Variants in RORA observed in about 807,000 individuals in gnomAD.
The protein encoded by RORA is RAR related orphan receptor A, also known as nuclear receptor ROR-alpha.
RORA carries 7 observed loss-of-function variants against 69.5 expected under a neutral mutation model. That is an observed-to-expected ratio of 0.10 (90% CI 0.06 to 0.19). RORA has a LOEUF of 0.19. RORA is among the 10% of genes least tolerant of loss of function. The pLI is 1.00. For synonymous variants in RORA, 261 were observed against 240.8 expected, an observed-to-expected ratio of 1.08 and a Z score of -0.78; for missense variants, 457 against 663.0, an observed-to-expected ratio of 0.69 and a Z score of 3.41.
chr15:61,136,870 T>C (rs971477225), intron 1 of RORA, among the ~76,000 whole-genome samples: 4 of 152,134 alleles, frequency 2.6e-5, no homozygotes, highest in Non-Finnish European at 5.9e-5. Context: ...CACCTTTATT[T>C]TGAGTCCAAA....
intron 1 of RORA, among the ~76,000 whole-genome samples, chr15:61,139,131 G>A (rs760845927): frequency 6.6e-6 from 1 of 151,054 alleles, no homozygotes; most frequent in Non-Finnish European, 1.5e-5. Flanking sequence ...GCGACAGAGC[G>A]AGACTCCGTC....
At chr15:60,751,387 T>G (rs2071721397) in intron 1 of RORA, among the ~76,000 whole-genome samples, 1 of 152,174 alleles carries the variant, frequency 6.6e-6, no homozygotes, top group Non-Finnish European at 1.5e-5. Flanking sequence ...TAATTAAGCT[T>G]TGCTATTACA....
At chr15:60,555,297 A>C (rs1160060433) in intron 2 of RORA, among the ~76,000 whole-genome samples, 1 of 152,198 alleles carries the variant, frequency 6.6e-6, no homozygotes, top group Non-Finnish European at 1.5e-5. Context: ...TTGCTAAGTT[A>C]AAAGTGTCAT....
intron 1 of RORA, among the ~76,000 whole-genome samples, chr15:60,858,617 G>T (rs1254100793): frequency 6.6e-6 from 1 of 151,392 alleles, no homozygotes; most frequent in African/African-American, 2.4e-5. Context: ...GGAAGGAGAG[G>T]AAAGAACCTG....
intron 1 of RORA, among the ~76,000 whole-genome samples, chr15:60,981,581 G>A (rs761996303): frequency 2.2e-4 from 33 of 152,068 alleles, no homozygotes; most frequent in Non-Finnish European, 4.0e-4. Context: ...CAAATCTTCT[G>A]TTAAGCCCCT....
At chr15:60,618,898 G>T (rs2069328648) in intron 2 of RORA, among the ~76,000 whole-genome samples, 1 of 152,116 alleles carries the variant, frequency 6.6e-6, no homozygotes, top group Non-Finnish European at 1.5e-5. Flanking sequence ...ACACCTCCTT[G>T]CTGACACATG....
intron 1 of RORA, among the ~76,000 whole-genome samples, chr15:60,995,276 G>C (rs1301780432): frequency 6.6e-6 from 1 of 152,146 alleles, no homozygotes; most frequent in Non-Finnish European, 1.5e-5. Context: ...AATTTGAGCT[G>C]GTTGTTAGCA....
intron 3 of RORA, chr15:60,529,661 T>G (rs1202071286): frequency 6.6e-6 from 1 of 152,190 alleles, no homozygotes; most frequent in Non-Finnish European, 1.5e-5. Flanking sequence ...AATAGATACC[T>G]TTTGTTTTCT....
chr15:60,745,105 T>C (rs544871956), intron 1 of RORA, among the ~76,000 whole-genome samples: 17 of 152,244 alleles, frequency 1.1e-4, no homozygotes, highest in Non-Finnish European at 2.2e-4. Context: ...TCATTCATGC[T>C]GGCTGAAGTT....
chr15:60,575,833 A>T (rs1195254429), intron 2 of RORA, among the ~76,000 whole-genome samples: 1 of 152,246 alleles, frequency 6.6e-6, no homozygotes, highest in African/African-American at 2.4e-5. Flanking sequence ...GAGCCATTTT[A>T]TTTTACTTCA....
intron 1 of RORA, among the ~76,000 whole-genome samples, chr15:60,788,537 G>A (rs1022386611): frequency 6.6e-6 from 1 of 152,058 alleles, no homozygotes; most frequent in Non-Finnish European, 1.5e-5. Flanking sequence ...TACTAATCAC[G>A]GTGTTGCTGC....
At chr15:61,200,538 G>A (rs1359706786) in intron 1 of RORA, among the ~76,000 whole-genome samples, 1 of 152,172 alleles carries the variant, frequency 6.6e-6, no homozygotes, top group African/African-American at 2.4e-5. Context: ...AACTGACCTG[G>A]AAAAGGAAAT....
chr15:60,564,923 T>G (rs1326098103), intron 2 of RORA, among the ~76,000 whole-genome samples: 1 of 152,208 alleles, frequency 6.6e-6, no homozygotes, highest in Non-Finnish European at 1.5e-5. Flanking sequence ...TGTGGGACTT[T>G]AAATTTAATG....
intron 1 of RORA, among the ~76,000 whole-genome samples, chr15:60,830,865 A>G (rs2073033331): frequency 2.0e-5 from 3 of 152,238 alleles, no homozygotes; most frequent in Non-Finnish European, 2.9e-5. Flanking sequence ...ATGAGGGACC[A>G]CACCTCAATT....
chr15:61,223,147 C>G (rs1017968775), intron 1 of RORA, among the ~76,000 whole-genome samples: 13 of 151,890 alleles, frequency 8.6e-5, no homozygotes, highest in Non-Finnish European at 1.5e-5. Flanking sequence ...AACCCCGTCT[C>G]TACTAAAACA....
At chr15:60,927,829 C>T (rs1261181873) in intron 1 of RORA, among the ~76,000 whole-genome samples, 1 of 152,160 alleles carries the variant, frequency 6.6e-6, no homozygotes, top group Non-Finnish European at 1.5e-5. Flanking sequence ...CTGCAGAATG[C>T]AAGCGTCAGA....
intron 1 of RORA, among the ~76,000 whole-genome samples, chr15:61,110,096 G>A (rs1317627806): frequency 2.6e-5 from 4 of 152,164 alleles, no homozygotes; most frequent in African/African-American, 4.8e-5. Context: ...ACTGCCAGTT[G>A]TATAAGAGTA....
chr15:61,122,673 C>T (rs754386145), intron 1 of RORA, among the ~76,000 whole-genome samples: 19 of 151,952 alleles, frequency 1.3e-4, no homozygotes, highest in Non-Finnish European at 2.4e-4. Context: ...GCTTACACAG[C>T]TAGTAAGGGG....
chr15:60,693,541 A>G (rs2140778604), intron 1 of RORA, among the ~76,000 whole-genome samples: 1 of 152,316 alleles, frequency 6.6e-6, no homozygotes, highest in African/African-American at 2.4e-5. Context: ...TATATCTAGA[A>G]AACCCCACTG....
Sources: gnomAD v4.1 joint callset for allele counts (sites outside exome capture counted in the v4.1 genomes callset) on GRCh38, gnomAD v4.1.1 for gene constraint, MANE v1.5 for transcripts, NCBI Gene and HGNC (gene_info 2026-07-23, HGNC 2026-07-21) for gene names.